PRKG1: variants seen among roughly 807,000 people sequenced by gnomAD.
PRKG1 encodes protein kinase cGMP-dependent 1.
PRKG1 carries 35 observed loss-of-function variants against 88.1 expected under a neutral mutation model. The observed-to-expected ratio is 0.40, with a 90% CI of 0.30 to 0.53. PRKG1 has a LOEUF of 0.53. Among genes scored for constraint, PRKG1 ranks in the 20% least tolerant of loss-of-function variants. The probability of loss-of-function intolerance (pLI) is 0.59; values close to 1 mark genes in which losing one functional copy is unlikely to be tolerated. For missense variants in PRKG1, 540 were observed against 839.8 expected (o/e 0.64, Z 4.41); for synonymous variants, 303 against 292.5 (o/e 1.04, Z -0.37).
intron 2 of PRKG1, among the ~76,000 whole-genome samples, chr10:51,325,073 C>G (rs1004889614): frequency 6.6e-5 from 10 of 152,164 alleles, no homozygotes; most frequent in African/African-American, 2.4e-4. Flanking sequence ...GCCATTCGAA[C>G]TAGGGTGAGA....
chr10:52,197,482 C>T (rs1839538713), intron 9 of PRKG1, among the ~76,000 whole-genome samples: 1 of 152,202 alleles, frequency 6.6e-6, no homozygotes, highest in Admixed American at 6.5e-5. Flanking sequence ...CAAGCTTCAT[C>T]TGGTATAAGA....
chr10:51,721,880 A>G (rs1842021860), intron 3 of PRKG1, among the ~76,000 whole-genome samples: 1 of 152,180 alleles, frequency 6.6e-6, no homozygotes, highest in South Asian at 2.1e-4. Context: ...CCATTTAGCT[A>G]TAAACATGCA....
intron 4 of PRKG1, among the ~76,000 whole-genome samples, chr10:51,896,322 T>C (rs907224473): frequency 2.0e-5 from 3 of 152,192 alleles, no homozygotes; most frequent in Non-Finnish European, 4.4e-5. Flanking sequence ...GCATTTATTA[T>C]GTGCCAGGTA....
At chr10:51,424,589 G>C (rs987326451) in intron 2 of PRKG1, among the ~76,000 whole-genome samples, 1 of 152,044 alleles carries the variant, frequency 6.6e-6, no homozygotes, top group African/African-American at 2.4e-5. Context: ...TCCTATATAG[G>C]TACTTCTTGT....
rs185084882 is a variant in PRKG1, at chr10:51,331,253, G to A, written c.479-136470G>A. Among the ~76,000 whole-genome samples the A allele has an allele frequency of 3.9e-5, 6 of 152,084 alleles. No homozygotes were observed. The East Asian group carries it at 9.7e-4, about 24-fold the overall frequency. On this transcript the variant is annotated intron_variant, in intron 2 of 17. Coordinates refer to ENST00000373980, the MANE Select transcript of PRKG1 (RefSeq NM_006258.4). ...CATACTAGAAGCCAGAGGCCACTGC[G>A]GCCAGGACTGCCTGCTGCTGAGGGA... is the stretch of plus-strand genomic sequence containing the variant.
intron 2 of PRKG1, among the ~76,000 whole-genome samples, chr10:51,166,843 C>T (rs1449466736): frequency 1.3e-5 from 2 of 151,972 alleles, no homozygotes; most frequent in African/African-American, 2.4e-5. Context: ...CTTTGACAAG[C>T]GTATTATATG....
At chr10:52,147,081 T>G (rs1330372149) in intron 8 of PRKG1, among the ~76,000 whole-genome samples, 1 of 152,190 alleles carries the variant, frequency 6.6e-6, no homozygotes, top group Non-Finnish European at 1.5e-5. Flanking sequence ...GATTGCTTCT[T>G]TGTTCTGGAA....
intron 10 of PRKG1, chr10:52,251,922 C>A: frequency 3.2e-6 from 1 of 317,416 alleles, no homozygotes; most frequent in East Asian, 5.8e-5. Context: ...GTAAGGTAAA[C>A]ACATTTACTT....
chr10:52,054,406 G>T (rs918869046), intron 5 of PRKG1, 78 bp from the exon 6 acceptor site: 2 of 1,007,040 alleles, frequency 2.0e-6, no homozygotes, highest in Admixed American at 1.8e-5. Context: ...ATCCCTGGGG[G>T]TTGATATTTG....
At chr10:52,160,672 T>C (rs1021914799) in intron 8 of PRKG1, among the ~76,000 whole-genome samples, 1 of 152,038 alleles carries the variant, frequency 6.6e-6, no homozygotes, top group East Asian at 1.9e-4. Context: ...TTAAGGAACA[T>C]TGCATTTTAA....
At chr10:51,280,037 C>A (rs1407753016) in intron 2 of PRKG1, among the ~76,000 whole-genome samples, 1 of 152,152 alleles carries the variant, frequency 6.6e-6, no homozygotes, top group East Asian at 1.9e-4. Flanking sequence ...ATGTTTAGTG[C>A]TTCCTTCAGG....
At chr10:51,304,869 C>A (rs1277324302) in intron 2 of PRKG1, among the ~76,000 whole-genome samples, 2 of 151,994 alleles carry the variant, frequency 1.3e-5, no homozygotes, top group Non-Finnish European at 2.9e-5. Context: ...ACATATCTTA[C>A]AGATGAAGAA....
chr10:51,736,838 G>A (rs1457768062), intron 3 of PRKG1, among the ~76,000 whole-genome samples: 1 of 149,076 alleles, frequency 6.7e-6, no homozygotes, highest in African/African-American at 2.5e-5. Flanking sequence ...GTCTCATTAT[G>A]TTGCTCAGGC....
At chr10:51,138,356 A>G (rs535433500) in intron 1 of PRKG1, among the ~76,000 whole-genome samples, 78 of 152,130 alleles carry the variant, frequency 5.1e-4, no homozygotes, top group Non-Finnish European at 7.9e-4. Context: ...TAGGAAATAA[A>G]TGGAGGGGAG....
At chr10:51,972,938 C>T (rs1165853304) in intron 5 of PRKG1, among the ~76,000 whole-genome samples, 1 of 152,066 alleles carries the variant, frequency 6.6e-6, no homozygotes, top group Non-Finnish European at 1.5e-5. Flanking sequence ...CACGAAGCCT[C>T]CCAGGAGCAC....
Position 51,839,801 on chromosome 10 carries a change from A to G in PRKG1, c.698+35111A>G, listed in dbSNP as rs371125985. Among the ~76,000 whole-genome samples, 106 of 152,322 alleles carry G rather than the reference A, an allele frequency of 7.0e-4. 1 individual carries two copies. The highest frequency in any genetic ancestry group is 2.2e-3 in the African/African-American group (93 of 41,570). On this transcript the variant is annotated intron_variant, in intron 4 of 17. Coordinates refer to ENST00000373980, the MANE Select transcript of PRKG1 (RefSeq NM_006258.4). ...TATAACTTCTCACTGACCCAGTCCC[A>G]TGAGGGCTGCCCCAAGGTAGGTGAG...
intron 2 of PRKG1, among the ~76,000 whole-genome samples, chr10:51,411,453 G>A (rs906037112): frequency 1.3e-5 from 2 of 152,144 alleles, no homozygotes; most frequent in Admixed American, 6.5e-5. Context: ...TTAAATTCAC[G>A]TTTCTACCCA....
In PRKG1 at chr10:52,166,920, T is replaced by C. The variant is rs1042669417; in HGVS notation, c.1076+4957T>C. Among the ~76,000 whole-genome samples the C allele has an allele frequency of 9.0e-5, 13 of 144,482 alleles. No homozygotes were observed. The East Asian group carries it at 2.5e-3, about 28-fold the overall frequency. The allele number at this position is 144,482 out of a possible 152,430, so 94.8% of individuals were successfully genotyped here. Reference sequence around the variant, plus strand: ...ACACACACACACACACACACACATATATATAAGCCAAGATAGAGAAAGAAA... The same window carrying C: ...ACACACACACACACACACACACATACATATAAGCCAAGATAGAGAAAGAAA... On this transcript the variant is annotated intron_variant, in intron 9 of 17. Transcript: ENST00000373980.
intron 5 of PRKG1, among the ~76,000 whole-genome samples, chr10:51,983,755 G>A (rs1269825091): frequency 6.6e-6 from 1 of 152,182 alleles, no homozygotes; most frequent in African/African-American, 2.4e-5. Flanking sequence ...TGTCTGTGGT[G>A]GTTAAGGGGT....
Sources: gnomAD v4.1 joint callset for allele counts (sites outside exome capture counted in the v4.1 genomes callset) on GRCh38, gnomAD v4.1.1 for gene constraint, MANE v1.5 for transcripts, NCBI Gene and HGNC (gene_info 2026-07-23, HGNC 2026-07-21) for gene names.